Variants in DROSHA observed in about 807,000 individuals in gnomAD.
The protein encoded by DROSHA is ribonuclease 3.
A neutral mutation model predicts 181.9 loss-of-function variants in DROSHA; 56 were observed. The observed-to-expected ratio is 0.31, with a 90% CI of 0.25 to 0.38. The LOEUF (loss-of-function observed/expected upper bound fraction) is 0.38. Ranked by LOEUF, DROSHA falls within the 10% of genes least tolerant of loss-of-function variation. The pLI, the probability that DROSHA is intolerant of heterozygous loss-of-function variation, is 1.00. For synonymous variants in DROSHA, 524 were observed against 591.2 expected, an observed-to-expected ratio of 0.89 and a Z score of 1.65; for missense variants, 1,218 against 1,743.5, an observed-to-expected ratio of 0.70 and a Z score of 5.37.
At chr5:31,450,312 G>A (rs907284119) in intron 21 of DROSHA, among the ~76,000 whole-genome samples, 4 of 152,044 alleles carry the variant, frequency 2.6e-5, no homozygotes, top group African/African-American at 4.8e-5. Flanking sequence ...CACTTGATTC[G>A]GTCCTCCCAC....
At chr5:31,503,255 C>T (rs78322397) in intron 11 of DROSHA, among the ~76,000 whole-genome samples, 156 of 152,252 alleles carry the variant, frequency 1.0e-3, no homozygotes, top group African/African-American at 2.4e-3. Context: ...GCATGGATCC[C>T]GCTTATCAAG....
At chr5:31,406,352 A>C (rs936399939) in intron 34 of DROSHA, among the ~76,000 whole-genome samples, 7 of 152,048 alleles carry the variant, frequency 4.6e-5, no homozygotes, top group Non-Finnish European at 2.9e-5. Context: ...CTCTACTAAA[A>C]ACACAAAAAT....
intron 13 of DROSHA, among the ~76,000 whole-genome samples, chr5:31,490,043 T>C (rs1446173514): frequency 6.6e-6 from 1 of 152,010 alleles, no homozygotes; most frequent in Admixed American, 6.6e-5. Flanking sequence ...ACCCAGCTAA[T>C]TTGTGTATTT....
chr5:31,501,400 A>C (rs907931941), intron 11 of DROSHA, among the ~76,000 whole-genome samples: 2 of 152,018 alleles, frequency 1.3e-5, no homozygotes, highest in Non-Finnish European at 2.9e-5. Flanking sequence ...GCTACTCAAC[A>C]CTGGGTCCTT....
intron 6 of DROSHA, among the ~76,000 whole-genome samples, chr5:31,518,206 G>A (rs1202672688): frequency 1.3e-5 from 2 of 152,172 alleles, no homozygotes; most frequent in African/African-American, 4.8e-5. Flanking sequence ...TATGTAACTA[G>A]ACATATTTGA....
intron 9 of DROSHA, among the ~76,000 whole-genome samples, chr5:31,509,955 T>C (rs1215180981): frequency 2.6e-5 from 4 of 151,588 alleles, no homozygotes; most frequent in Non-Finnish European, 5.9e-5. Context: ...TTCTGGAGAC[T>C]GGTTGCAAAC....
intron 16 of DROSHA, among the ~76,000 whole-genome samples, chr5:31,478,862 C>A (rs1750703176): frequency 6.6e-6 from 1 of 152,184 alleles, no homozygotes; most frequent in Non-Finnish European, 1.5e-5. Flanking sequence ...ACTTGGCCAA[C>A]ATCATTCTGA....
In DROSHA at chr5:31,495,376, AG is replaced by A; in HGVS notation, c.1669-5del. On this transcript the variant is annotated splice_region_variant and splice_polypyrimidine_tract_variant and intron_variant, in intron 11 of 35. Transcript: ENST00000344624. ...TAGGACGACAGGGCTTGATGGCCTG[AG>A]GGGAAAAAAACGAAAATCAGTTTAC... The A allele has an allele frequency of 1.2e-6, 2 of 1,611,598 alleles. No individual in the cohort carries two copies. The highest frequency in any genetic ancestry group is 1.7e-6 in the Non-Finnish European group (2 of 1,179,194).
intron 23 of DROSHA, among the ~76,000 whole-genome samples, chr5:31,445,017 C>T (rs780075328): frequency 6.6e-6 from 1 of 152,222 alleles, no homozygotes; most frequent in Non-Finnish European, 1.5e-5. Context: ...TTTGTGGAGG[C>T]CAGTGGGCAG....
At chr5:31,530,376 G>A (rs1741135568) in intron 3 of DROSHA, among the ~76,000 whole-genome samples, 1 of 152,040 alleles carries the variant, frequency 6.6e-6, no homozygotes, top group Non-Finnish European at 1.5e-5. Flanking sequence ...ACTGCCAACA[G>A]AATCAAGTTC....
At chr5:31,501,035 C>T (rs915528783) in intron 11 of DROSHA, among the ~76,000 whole-genome samples, 57 of 152,170 alleles carry the variant, frequency 3.7e-4, no homozygotes, top group Admixed American at 1.3e-4. Flanking sequence ...TGAAATCCAC[C>T]GACTGAAGAG....
chr5:31,499,413 G>A (rs936828409), intron 11 of DROSHA, among the ~76,000 whole-genome samples: 3 of 152,110 alleles, frequency 2.0e-5, no homozygotes, highest in Middle Eastern at 3.2e-3. Flanking sequence ...GAGCTCAATC[G>A]CCTCTCAACA....
chr5:31,466,669 C>T (rs1749048142), intron 18 of DROSHA, among the ~76,000 whole-genome samples: 1 of 152,114 alleles, frequency 6.6e-6, no homozygotes, highest in Admixed American at 6.5e-5. Flanking sequence ...GAAAGAAAGA[C>T]CCCTTCCTTA....
In DROSHA at chr5:31,429,565, T is replaced by C; in HGVS notation, c.3146-20A>G. 1 of 1,604,626 alleles carries C rather than the reference T, an allele frequency of 6.2e-7. No individual in the cohort carries two copies. Among genetic ancestry groups the C allele is most frequent in the Non-Finnish European group, 8.5e-7 (1 of 1,174,788 alleles). On this transcript the variant is annotated intron_variant, in intron 26 of 35. Transcript: ENST00000344624. ...CAGCTCCTAGATGAAAAACAGAGAA[T>C]GCCAAAAGAGAGTCTCCATCAACAG...
chr5:31,500,826 C>T (rs1753501566), intron 11 of DROSHA, among the ~76,000 whole-genome samples: 1 of 152,122 alleles, frequency 6.6e-6, no homozygotes, highest in Admixed American at 6.6e-5. Context: ...GGGGTCTGAC[C>T]CACAAAGAGT....
chr5:31,442,146 A>T (rs1461591692), intron 23 of DROSHA, among the ~76,000 whole-genome samples: 2 of 152,340 alleles, frequency 1.3e-5, no homozygotes, highest in South Asian at 4.1e-4. Context: ...ATTTTGTTGA[A>T]ATACAAGGTC....
At chr5:31,401,641 A>C in intron 35 of DROSHA, 79 bp from the exon 36 acceptor site, 2 of 937,536 alleles carry the variant, frequency 2.1e-6, no homozygotes, top group Non-Finnish European at 2.7e-6. Flanking sequence ...AACTAAACAT[A>C]TACACATACA....
chr5:31,483,698 A>T (rs1240002086), intron 15 of DROSHA, 70 bp from the exon 16 acceptor site: 1 of 1,431,854 alleles, frequency 7.0e-7, no homozygotes, highest in Non-Finnish European at 9.5e-7. Context: ...ACTGCAACTT[A>T]ATTTCTAAGA....
intron 30 of DROSHA, among the ~76,000 whole-genome samples, chr5:31,418,281 C>CACAGAGAGAGAGAGAG (rs1742216655): frequency 6.6e-6 from 1 of 150,848 alleles, no homozygotes; most frequent in Non-Finnish European, 1.5e-5. Flanking sequence ...GAGAGAGAGA[C>CACAGAGAGAGAGAGAG]ACAGAGAGAG....
Sources: gnomAD v4.1 joint callset for allele counts (sites outside exome capture counted in the v4.1 genomes callset) on GRCh38, gnomAD v4.1.1 for gene constraint, MANE v1.5 for transcripts, NCBI Gene and HGNC (gene_info 2026-07-23, HGNC 2026-07-21) for gene names.